Variants in PCDH9 observed in about 807,000 individuals in gnomAD.
PCDH9 encodes the protein protocadherin-9.
In PCDH9, 24 loss-of-function variants were observed where a neutral mutation model predicts 70.6. That is an observed-to-expected ratio of 0.34 (90% CI 0.25 to 0.48). The LOEUF (loss-of-function observed/expected upper bound fraction) is 0.48. PCDH9 is among the 20% of genes least tolerant of loss of function. PCDH9 has a pLI of 0.99. For synonymous variants in PCDH9, 562 were observed against 558.5 expected, an observed-to-expected ratio of 1.01 and a Z score of -0.09; for missense variants, 1,281 against 1,503.6, an observed-to-expected ratio of 0.85 and a Z score of 2.45.
intron 3 of PCDH9, among the ~76,000 whole-genome samples, chr13:66,838,366 CT>C (rs10719077): frequency 0.011 from 1,681 of 151,314 alleles, 32 homozygotes; most frequent in African/African-American, 0.036. Context: ...ATATTCAATT[CT>C]TTTTTTAAAA....
At chr13:66,443,235 T>A (rs1211867671) in intron 4 of PCDH9, among the ~76,000 whole-genome samples, 1 of 152,344 alleles carries the variant, frequency 6.6e-6, no homozygotes, top group East Asian at 1.9e-4. Flanking sequence ...GAACAAATTT[T>A]CATTCATCTC....
chr13:66,705,162 C>T (rs1247034620), intron 3 of PCDH9, among the ~76,000 whole-genome samples: 3 of 151,990 alleles, frequency 2.0e-5, no homozygotes, highest in African/African-American at 7.2e-5. Context: ...AACTCAGTTC[C>T]TTCTATTCCT....
intron 4 of PCDH9, among the ~76,000 whole-genome samples, chr13:66,448,552 T>C (rs1248001436): frequency 2.6e-5 from 4 of 152,296 alleles, no homozygotes; most frequent in South Asian, 2.1e-4. Flanking sequence ...ACGGAAATGT[T>C]TGAAATTCCA....
At chr13:66,615,449 A>C (rs766235973) in intron 4 of PCDH9, among the ~76,000 whole-genome samples, 7 of 152,334 alleles carry the variant, frequency 4.6e-5, no homozygotes, top group East Asian at 3.9e-4. Context: ...GAGATAACCA[A>C]ACTTCTTTGT....
At chr13:67,199,059 A>T (rs987601262) in intron 2 of PCDH9, among the ~76,000 whole-genome samples, 10 of 151,740 alleles carry the variant, frequency 6.6e-5, no homozygotes, top group African/African-American at 2.4e-4. Flanking sequence ...ATAAAAGATA[A>T]CTAAACTGAT....
intron 2 of PCDH9, among the ~76,000 whole-genome samples, chr13:66,952,544 G>C (rs2083199325): frequency 6.6e-6 from 1 of 152,162 alleles, no homozygotes; most frequent in African/African-American, 2.4e-5. Context: ...AGTGTAAAGA[G>C]TAGCACGAAG....
intron 2 of PCDH9, among the ~76,000 whole-genome samples, chr13:66,976,456 T>C (rs2083622360): frequency 6.6e-6 from 1 of 152,242 alleles, no homozygotes; most frequent in African/African-American, 2.4e-5. Context: ...TATGGAATCT[T>C]TCAGTACCTG....
At chr13:67,171,133 C>T (rs190897610) in intron 2 of PCDH9, among the ~76,000 whole-genome samples, 7 of 152,256 alleles carry the variant, frequency 4.6e-5, no homozygotes, top group Non-Finnish European at 1.5e-5. Context: ...GCCATATTCT[C>T]ATTAAGAGAT....
chr13:66,475,525 C>T (rs566212740), intron 4 of PCDH9, among the ~76,000 whole-genome samples: 2 of 152,212 alleles, frequency 1.3e-5, no homozygotes, highest in African/African-American at 4.8e-5. Flanking sequence ...TTTTTTACAG[C>T]TTTCCAATTT....
At chr13:66,823,671 C>T (rs548187509) in intron 3 of PCDH9, among the ~76,000 whole-genome samples, 95 of 152,036 alleles carry the variant, frequency 6.2e-4, no homozygotes, top group East Asian at 2.7e-3. Context: ...TTTTGAGATA[C>T]GGCTAAAAAC....
chr13:66,410,072 G>T (rs1957343838), intron 4 of PCDH9, among the ~76,000 whole-genome samples: 1 of 152,032 alleles, frequency 6.6e-6, no homozygotes, highest in Non-Finnish European at 1.5e-5. Flanking sequence ...TTTTAACTTG[G>T]ATATAAAGTA....
Position 66,756,360 on chromosome 13 carries a change from C to T in PCDH9, c.3139-124949G>A, listed in dbSNP as rs147820936. On this transcript the variant is annotated intron_variant, in intron 3 of 4. Transcript: ENST00000377865. Reference sequence around the variant, plus strand: ...TGAGTTAATTTATTAAGTAAATTAGCATAGAAGACTATCAAGTCTGAAAAT... The same window carrying T: ...TGAGTTAATTTATTAAGTAAATTAGTATAGAAGACTATCAAGTCTGAAAAT... Among the ~76,000 whole-genome samples the T allele has an allele frequency of 9.2e-3, 1,406 of 152,154 alleles. 13 individuals are homozygous for T. The highest frequency in any genetic ancestry group is 0.032 in the African/African-American group (1,339 of 41,512).
At chr13:67,096,712 G>A (rs2086327441) in intron 2 of PCDH9, among the ~76,000 whole-genome samples, 2 of 152,046 alleles carry the variant, frequency 1.3e-5, no homozygotes, top group African/African-American at 4.8e-5. Context: ...TATTTCTCTG[G>A]TTTCTTTCTC....
At chr13:66,320,475 T>C (rs1201377999) in intron 4 of PCDH9, among the ~76,000 whole-genome samples, 1 of 152,002 alleles carries the variant, frequency 6.6e-6, no homozygotes, top group Non-Finnish European at 1.5e-5. Flanking sequence ...AGTTTCAAGA[T>C]CTGTGAACCT....
At chr13:66,506,677 G>A (rs1218626766) in intron 4 of PCDH9, among the ~76,000 whole-genome samples, 5 of 152,108 alleles carry the variant, frequency 3.3e-5, no homozygotes, top group Admixed American at 2.0e-4. Context: ...GCATTATGGC[G>A]CTACACACTA....
At chr13:66,605,330 G>A (rs990268336) in intron 4 of PCDH9, among the ~76,000 whole-genome samples, 3 of 152,110 alleles carry the variant, frequency 2.0e-5, no homozygotes, top group Admixed American at 6.6e-5. Context: ...AAATCAACAA[G>A]TAATATATGT....
At chr13:66,420,908 A>T (rs1007703631) in intron 4 of PCDH9, among the ~76,000 whole-genome samples, 6 of 152,128 alleles carry the variant, frequency 3.9e-5, no homozygotes, top group African/African-American at 1.4e-4. Flanking sequence ...GCATGTGCTA[A>T]CCCAATGCAA....
At chr13:67,078,755 G>A (rs2085927415) in intron 2 of PCDH9, among the ~76,000 whole-genome samples, 1 of 152,138 alleles carries the variant, frequency 6.6e-6, no homozygotes, top group East Asian at 1.9e-4. Context: ...TCTTTGTAAG[G>A]AAGAAACACA....
intron 4 of PCDH9, among the ~76,000 whole-genome samples, chr13:66,417,272 G>A (rs1957477949): frequency 6.6e-6 from 1 of 152,132 alleles, no homozygotes; most frequent in Non-Finnish European, 1.5e-5. Context: ...GTAAGAATAT[G>A]TGGTGTTTGG....
Sources: gnomAD v4.1 joint callset for allele counts (sites outside exome capture counted in the v4.1 genomes callset) on GRCh38, gnomAD v4.1.1 for gene constraint, MANE v1.5 for transcripts, NCBI Gene and HGNC (gene_info 2026-07-23, HGNC 2026-07-21) for gene names.